Variants in TUSC3 observed in about 807,000 individuals in gnomAD.
TUSC3 encodes the protein tumor suppressor candidate 3.
TUSC3 carries 45 observed loss-of-function variants against 44.8 expected under a neutral mutation model. The ratio of observed to expected loss-of-function variants is 1.00; its 90% CI spans 0.79 to 1.29. The LOEUF (loss-of-function observed/expected upper bound fraction) is 1.29, where lower values mean the gene tolerates loss of function less well. Among genes scored for constraint, TUSC3 ranks in the 50% most tolerant of loss-of-function variants. TUSC3 has a pLI of 0.00. For missense variants in TUSC3, 519 were observed against 437.9 expected, an observed-to-expected ratio of 1.19 and a Z score of -1.65; for synonymous variants, 212 against 152.9, an observed-to-expected ratio of 1.39 and a Z score of -2.85.
the TUSC3 span, among the ~76,000 whole-genome samples, chr8:15,809,335 C>T: frequency 1.3e-5 from 2 of 152,164 alleles, no homozygotes; most frequent in African/African-American, 2.4e-5. Flanking sequence ...TGAAAAACTA[C>T]ATGATTGCTG....
At chr8:15,467,461 C>G (rs528149381) in intron 1 of TUSC3, among the ~76,000 whole-genome samples, 5 of 152,058 alleles carry the variant, frequency 3.3e-5, no homozygotes, top group Non-Finnish European at 7.4e-5. Flanking sequence ...GAGTATAATT[C>G]TGCTGTGGGC....
At chr8:15,591,172 C>T (rs1365863244) in intron 1 of TUSC3, among the ~76,000 whole-genome samples, 1 of 151,896 alleles carries the variant, frequency 6.6e-6, no homozygotes, top group African/African-American at 2.4e-5. Context: ...TAAAAGTTGC[C>T]AAAAATGAAC....
At chr8:15,477,661 T>A (rs1469848290) in intron 1 of TUSC3, among the ~76,000 whole-genome samples, 1 of 151,988 alleles carries the variant, frequency 6.6e-6, no homozygotes, top group Non-Finnish European at 1.5e-5. Flanking sequence ...GGCAGAGCTT[T>A]CAGTGAGCCA....
chr8:15,697,472 G>C (rs556023426), intron 6 of TUSC3, among the ~76,000 whole-genome samples: 29 of 152,256 alleles, frequency 1.9e-4, no homozygotes, highest in Admixed American at 1.6e-3. Context: ...GGTTTTGATA[G>C]GTTTTGGCTG....
chr8:15,830,279 A>G, the TUSC3 span, among the ~76,000 whole-genome samples: 1 of 152,138 alleles, frequency 6.6e-6, no homozygotes, highest in Non-Finnish European at 1.5e-5. Flanking sequence ...TTTGCTCCAC[A>G]TAATCTCTTT....
At chr8:15,746,132 C>CTGTTAA (rs1203651015) in intron 8 of TUSC3, among the ~76,000 whole-genome samples, 1 of 151,892 alleles carries the variant, frequency 6.6e-6, no homozygotes, top group Non-Finnish European at 1.5e-5. Flanking sequence ...GGAGGAGATA[C>CTGTTAA]TGTTAATTAT....
intron 9 of TUSC3, among the ~76,000 whole-genome samples, chr8:15,757,167 C>T (rs1385129333): frequency 2.0e-5 from 3 of 152,042 alleles, no homozygotes; most frequent in East Asian, 1.9e-4. Flanking sequence ...AAAGAGGTAT[C>T]GCAGTTCCAA....
intron 6 of TUSC3, among the ~76,000 whole-genome samples, chr8:15,702,536 C>T (rs889514961): frequency 1.3e-5 from 2 of 152,032 alleles, no homozygotes; most frequent in Non-Finnish European, 2.9e-5. Flanking sequence ...TCACACTGTA[C>T]TCTCTTTCTA....
At chr8:15,811,172 A>G in the TUSC3 span, among the ~76,000 whole-genome samples, 1 of 152,180 alleles carries the variant, frequency 6.6e-6, no homozygotes, top group Non-Finnish European at 1.5e-5. Context: ...TGTTAATTCT[A>G]TTGATTAGGG....
intron 1 of TUSC3, among the ~76,000 whole-genome samples, chr8:15,602,516 A>C (rs1386145493): frequency 6.6e-6 from 1 of 151,618 alleles, no homozygotes; most frequent in Non-Finnish European, 1.5e-5. Flanking sequence ...AGGAGGAAGT[A>C]ATGCAGAGCT....
At chr8:15,439,347 T>A (rs1799991991) in intron 1 of TUSC3, among the ~76,000 whole-genome samples, 1 of 152,124 alleles carries the variant, frequency 6.6e-6, no homozygotes, top group Non-Finnish European at 1.5e-5. Flanking sequence ...GGGAGGATTG[T>A]TTGAGCCCAG....
intron 1 of TUSC3, among the ~76,000 whole-genome samples, chr8:15,460,861 T>A (rs961748661): frequency 6.6e-6 from 1 of 152,142 alleles, no homozygotes; most frequent in African/African-American, 2.4e-5. Context: ...TATTTCTGGG[T>A]TCTCTATTCT....
chr8:15,839,967 G>C, the TUSC3 span, among the ~76,000 whole-genome samples: 1 of 152,086 alleles, frequency 6.6e-6, no homozygotes, highest in African/African-American at 2.4e-5. Context: ...GCAAAGACTT[G>C]GAACCAACCC....
chr8:15,604,092 C>G (rs997257954), intron 1 of TUSC3, among the ~76,000 whole-genome samples: 15 of 151,558 alleles, frequency 9.9e-5, no homozygotes, highest in Admixed American at 6.6e-4. Flanking sequence ...CTATAAGCGT[C>G]AATATGCAGA....
At chr8:15,801,653 T>A in the TUSC3 span, among the ~76,000 whole-genome samples, 1 of 151,986 alleles carries the variant, frequency 6.6e-6, no homozygotes, top group Non-Finnish European at 1.5e-5. Flanking sequence ...CAGAGAAGCA[T>A]AAGGATGAAA....
chr8:15,618,206 C>G (rs1426776163), intron 1 of TUSC3, among the ~76,000 whole-genome samples: 1 of 152,136 alleles, frequency 6.6e-6, no homozygotes, highest in Non-Finnish European at 1.5e-5. Context: ...CTACTGTAGA[C>G]TCTATAAACA....
At chr8:15,798,003 T>G in the TUSC3 span, among the ~76,000 whole-genome samples, 3,834 of 152,252 alleles carry the variant, frequency 0.025, 74 homozygotes, top group East Asian at 0.083. Flanking sequence ...GCTATGATCT[T>G]CCTTTCCCTA....
chr8:15,569,050 G>T (rs189214607), intron 1 of TUSC3, among the ~76,000 whole-genome samples: 60 of 152,136 alleles, frequency 3.9e-4, no homozygotes, highest in Admixed American at 3.5e-3. Flanking sequence ...TTATTGTGCG[G>T]CTTGTTATAT....
chr8:15,760,487 A>T, intron 10 of TUSC3, among the ~76,000 whole-genome samples: 1 of 151,994 alleles, frequency 6.6e-6, no homozygotes, highest in South Asian at 2.1e-4. Context: ...CTTTCAGTAC[A>T]CCCTGTGGTT....
Sources: allele counts gnomAD v4.1 joint callset (sites outside exome capture counted in the v4.1 genomes callset), GRCh38; gene constraint gnomAD v4.1.1; transcripts MANE v1.5; gene names NCBI Gene and HGNC (gene_info 2026-07-23, HGNC 2026-07-21).